INPP5A: variants seen among roughly 807,000 people sequenced by gnomAD.
The protein encoded by INPP5A is 43 kDa inositol polyphosphate 5-phophatase.
A neutral mutation model predicts 65.2 loss-of-function variants in INPP5A; 14 were observed. The observed-to-expected ratio is 0.21, with a 90% CI of 0.14 to 0.34. The LOEUF (loss-of-function observed/expected upper bound fraction) is 0.34. Ranked by LOEUF, INPP5A falls within the 10% of genes least tolerant of loss-of-function variation. INPP5A has a pLI of 1.00. For synonymous variants in INPP5A, 207 were observed against 208.3 expected (o/e 0.99, Z 0.05); for missense variants, 431 against 545.6 (o/e 0.79, Z 2.09).
intron 8 of INPP5A, among the ~76,000 whole-genome samples, chr10:132,717,780 T>C (rs934690578): frequency 1.1e-4 from 16 of 147,540 alleles, no homozygotes; most frequent in Non-Finnish European, 2.1e-4. Context: ...CTGGGCACCT[T>C]AGACGACTGT....
At chr10:132,710,624 T>C (rs1173156234) in intron 8 of INPP5A, among the ~76,000 whole-genome samples, 168 bp downstream of exon 8, 1 of 143,848 alleles carries the variant, frequency 7.0e-6, no homozygotes, top group Non-Finnish European at 1.5e-5. Context: ...GAGGTAGGTA[T>C]GGATGGCAGG....
chr10:132,749,221 C>T (rs1846426357), intron 9 of INPP5A, among the ~76,000 whole-genome samples: 1 of 152,264 alleles, frequency 6.6e-6, no homozygotes, highest in Non-Finnish European at 1.5e-5. Flanking sequence ...CCTTCCGAGC[C>T]TGCTGGTGTC....
rs373632086 is a variant in INPP5A at position 132,629,001 on chromosome 10, G to A, written c.118-16867G>A. Among the ~76,000 whole-genome samples, 21 of 152,282 alleles carry A rather than the reference G, an allele frequency of 1.4e-4. No homozygotes were observed. In the East Asian group the frequency reaches 2.3e-3, roughly 17 times the overall value. On this transcript the variant is annotated intron_variant, in intron 2 of 15. Transcript: ENST00000368594. ...CTGTTTTTGTGTGGCCTTCAGAACC[G>A]GGTGTGTTTGACCCTGAGCCGTGGC...
At position 132,690,466 on chromosome 10, in the gene INPP5A, G is replaced by T. The variant is rs199669661; in HGVS notation, c.370+11G>T. 6.2e-7 allele frequency: 1 copy of T among 1,602,402 alleles called. No individual in the cohort carries two copies. Among genetic ancestry groups the T allele is most frequent in the African/African-American group, 1.3e-5 (1 of 74,766 alleles). ...AGTTTGACTTTAAAGGTAAGACTGC[G>T]TGCCGTCTTCCGGGATTTTGTCTCG... On this transcript the variant is annotated intron_variant, in intron 5 of 15. Transcript: ENST00000368594.
chr10:132,748,561 A>G (rs1846413507), intron 9 of INPP5A, among the ~76,000 whole-genome samples: 1 of 152,184 alleles, frequency 6.6e-6, no homozygotes, highest in South Asian at 2.1e-4. Flanking sequence ...TCTTACCTTT[A>G]GGGACTGACC....
rs376908878 is a variant in INPP5A at position 132,583,436 on chromosome 10, G to A, written c.76-24479G>A. On this transcript the variant is annotated intron_variant, in intron 1 of 15. Coordinates refer to ENST00000368594, the MANE Select transcript of INPP5A (RefSeq NM_005539.5). ...TGGGCTGGTCAGGACCTTTGGCATC[G>A]GGTGAGTCGGCGTGGGGAGCTGGGC... is the stretch of plus-strand genomic sequence containing the variant. Among the ~76,000 whole-genome samples the A allele has an allele frequency of 4.6e-5, 7 of 152,242 alleles. No homozygotes were observed. The South Asian group carries it at 1.2e-3, about 27-fold the overall frequency.
chr10:132,682,629 G>A (rs2073061871), intron 4 of INPP5A, among the ~76,000 whole-genome samples: 1 of 152,276 alleles, frequency 6.6e-6, no homozygotes, highest in African/African-American at 2.4e-5. Flanking sequence ...GTGCCTGGGA[G>A]GGCATGTGTC....
At chr10:132,776,461 C>G (rs894216063) in intron 12 of INPP5A, among the ~76,000 whole-genome samples, 6 of 152,164 alleles carry the variant, frequency 3.9e-5, no homozygotes, top group African/African-American at 1.2e-4. Context: ...GCTGAGGTGC[C>G]GGGATGGACC....
At chr10:132,680,399 T>A (rs551940154) in intron 4 of INPP5A, among the ~76,000 whole-genome samples, 1 of 152,344 alleles carries the variant, frequency 6.6e-6, no homozygotes, top group Non-Finnish European at 1.5e-5. Context: ...AAACTGCCAT[T>A]TTCATTTGTC....
intron 6 of INPP5A, among the ~76,000 whole-genome samples, chr10:132,699,229 A>G (rs1845396282): frequency 6.6e-6 from 1 of 151,990 alleles, no homozygotes; most frequent in Admixed American, 6.6e-5. Context: ...TCGGAAGGGC[A>G]GGGTGGGGGC....
At chr10:132,647,725 G>T (rs2072517697) in intron 3 of INPP5A, among the ~76,000 whole-genome samples, 1 of 152,132 alleles carries the variant, frequency 6.6e-6, no homozygotes, top group African/African-American at 2.4e-5. Context: ...TGGGGACATG[G>T]GCTGGGGCAC....
At chr10:132,778,864 G>A (rs1446614193) in intron 13 of INPP5A, among the ~76,000 whole-genome samples, 1 of 152,242 alleles carries the variant, frequency 6.6e-6, no homozygotes, top group Non-Finnish European at 1.5e-5. Flanking sequence ...AAACACCTGG[G>A]TACAGGTGTG....
rs529400271 is a variant in INPP5A at position 132,563,450 on chromosome 10, G to A, written c.75+25279G>A. On this transcript the variant is annotated intron_variant, in intron 1 of 15. Transcript: ENST00000368594. ...ATCAAGGACAGTGAACAGCAGCGCC[G>A]TCATCTTCATGAGTTCACAAAAACC... Among the ~76,000 whole-genome samples the A allele has an allele frequency of 3.3e-5, 5 of 152,312 alleles. No individual in the cohort carries two copies. In the South Asian group the frequency reaches 8.3e-4, roughly 25 times the overall value.
intron 1 of INPP5A, among the ~76,000 whole-genome samples, chr10:132,573,270 G>C (rs1391520851): frequency 6.9e-6 from 1 of 145,166 alleles, no homozygotes; most frequent in Non-Finnish European, 1.5e-5. Flanking sequence ...TGTGCTGTGT[G>C]AGGTTTTGTT....
intron 3 of INPP5A, among the ~76,000 whole-genome samples, chr10:132,648,437 G>A (rs1247227218): frequency 6.6e-6 from 1 of 152,256 alleles, no homozygotes; most frequent in Non-Finnish European, 1.5e-5. Context: ...TGAGAGAAAC[G>A]CCCTTGGTGT....
Position 132,762,285 on chromosome 10 carries a change from A to C in INPP5A, c.904-3488A>C, listed in dbSNP as rs1474334177. 6.6e-6 allele frequency among the ~76,000 whole-genome samples: 1 copy of C among 152,252 alleles called. No individual in the cohort carries two copies. The highest frequency in any genetic ancestry group is 1.9e-4 in the East Asian group (1 of 5,200). ...AGTCCTGAGCAGGAGGAATGGAAGT[A>C]AATCCACACACAGACATGTCAGAGT... On this transcript the variant is annotated intron_variant, in intron 11 of 15. Coordinates refer to ENST00000368594, the MANE Select transcript of INPP5A (RefSeq NM_005539.5). This position sits in a 1 kb window ranked among gnomAD's most constrained non-coding sequence, Gnocchi z 4.6.
At chr10:132,682,973 C>T (rs117374511) in intron 4 of INPP5A, among the ~76,000 whole-genome samples, 7,261 of 148,442 alleles carry the variant, frequency 0.049, 264 homozygotes, top group Middle Eastern at 0.095. Context: ...TACATATGTA[C>T]GCACATTTAA....
At chr10:132,595,804 T>G (rs1240040808) in intron 1 of INPP5A, among the ~76,000 whole-genome samples, 1 of 152,234 alleles carries the variant, frequency 6.6e-6, no homozygotes, top group Non-Finnish European at 1.5e-5. Flanking sequence ...TATTATGAAC[T>G]TCTTTGTTGA....
chr10:132,607,581 C>T (rs1333988643), intron 1 of INPP5A, among the ~76,000 whole-genome samples: 1 of 152,248 alleles, frequency 6.6e-6, no homozygotes, highest in African/African-American at 2.4e-5. Context: ...CTGGCTGAGC[C>T]GTCTCTTCCC....
Sources: allele counts gnomAD v4.1 joint callset (sites outside exome capture counted in the v4.1 genomes callset), GRCh38; gene constraint gnomAD v4.1.1; non-coding constraint Gnocchi (gnomAD v3.1); transcripts MANE v1.5; gene names NCBI Gene and HGNC (gene_info 2026-07-23, HGNC 2026-07-21).